TTC23: variants seen among roughly 807,000 people sequenced by gnomAD.
TTC23 encodes the protein tetratricopeptide repeat protein 23.
Under a neutral mutation model 55.1 loss-of-function variants are expected in TTC23, and 58 were observed. That is an observed-to-expected ratio of 1.05 (90% CI 0.85 to 1.31). The LOEUF (loss-of-function observed/expected upper bound fraction) is 1.31, where lower values mean the gene tolerates loss of function less well. Among genes scored for constraint, TTC23 ranks in the 50% most tolerant of loss-of-function variants. TTC23 has a pLI of 0.00. For missense variants in TTC23, 516 were observed against 534.4 expected, an observed-to-expected ratio of 0.97 and a Z score of 0.34; for synonymous variants, 203 against 199.9, an observed-to-expected ratio of 1.02 and a Z score of -0.13.
chr15:99,221,806 C>T lies in TTC23; in HGVS notation c.239G>A (p.Gly80Glu), dbSNP rs556904464. ...CTCTGCTAGTTTCCAATGTGAGTCT[C>T]CATAGCAAATTCTTGTCAGTGCTAC... Reference protein sequence around the residue: ...RCVALTRICYGDSHWKLAEAH... With the variant: ...RCVALTRICYEDSHWKLAEAH... Residue 80 changes from glycine to glutamate, a missense_variant, in exon 6 of 14, where the codon GGA becomes GAA. Transcript: ENST00000394132. 6.2e-7 allele frequency: 1 copy of T among 1,614,140 alleles called. No homozygotes were observed. The highest frequency in any genetic ancestry group is 1.1e-5 in the South Asian group (1 of 91,086).
intron 10 of TTC23, among the ~76,000 whole-genome samples, chr15:99,166,658 G>C (rs2072143932): frequency 6.6e-6 from 1 of 152,176 alleles, no homozygotes; most frequent in South Asian, 2.1e-4. Flanking sequence ...CTGCCTTCTG[G>C]GGGCAGCCTC....
intron 3 of TTC23, among the ~76,000 whole-genome samples, chr15:99,240,960 C>G (rs2079736518): frequency 6.6e-6 from 1 of 152,130 alleles, no homozygotes; most frequent in African/African-American, 2.4e-5. Flanking sequence ...AGTCTGTGGC[C>G]TTACTTTAAA....
chr15:99,158,268 G>T (rs564015335), intron 11 of TTC23: 1 of 152,358 alleles, frequency 6.6e-6, no homozygotes, highest in South Asian at 2.1e-4. Context: ...GGACTGCTGA[G>T]AGTGCTGGGT....
At chr15:99,237,452 T>C (rs2079415385) in intron 3 of TTC23, among the ~76,000 whole-genome samples, 1 of 152,160 alleles carries the variant, frequency 6.6e-6, no homozygotes, top group Non-Finnish European at 1.5e-5. Flanking sequence ...TACAATGAAA[T>C]ACTACTCAGT....
chr15:99,199,127 G>A (rs1214710827), intron 9 of TTC23, among the ~76,000 whole-genome samples: 3 of 152,060 alleles, frequency 2.0e-5, no homozygotes, highest in Non-Finnish European at 2.9e-5. Flanking sequence ...GGATAATATC[G>A]GTGGCCCTCA....
chr15:99,240,245 A>C (rs1229148449), intron 3 of TTC23, among the ~76,000 whole-genome samples: 1 of 152,248 alleles, frequency 6.6e-6, no homozygotes, highest in Non-Finnish European at 1.5e-5. Context: ...CTCTGAACCT[A>C]GTGTTAAACT....
chr15:99,154,315 A>AC (rs1158837807), intron 12 of TTC23, among the ~76,000 whole-genome samples: 5 of 152,214 alleles, frequency 3.3e-5, no homozygotes, highest in African/African-American at 1.2e-4. Context: ...TACAGAATCA[A>AC]CATCTGCTAT....
intron 3 of TTC23, among the ~76,000 whole-genome samples, chr15:99,236,467 C>CTT (rs869228713): frequency 5.7e-5 from 8 of 140,714 alleles, no homozygotes; most frequent in East Asian, 2.0e-4. Flanking sequence ...CCTTTTCTCA[C>CTT]TTTTTTTTTT....
intron 12 of TTC23, chr15:99,141,043 G>C (rs2068171396): frequency 6.6e-6 from 1 of 152,136 alleles, no homozygotes; most frequent in South Asian, 2.1e-4. Context: ...CAATGAGGTA[G>C]GTACCATTTC....
intron 4 of TTC23, among the ~76,000 whole-genome samples, chr15:99,234,784 A>G (rs1303964549): frequency 6.6e-6 from 1 of 152,160 alleles, no homozygotes; most frequent in Non-Finnish European, 1.5e-5. Flanking sequence ...GCAAGTTAAA[A>G]CCACAATGAG....
intron 5 of TTC23, among the ~76,000 whole-genome samples, chr15:99,225,937 A>G (rs535120231): frequency 7.9e-5 from 12 of 152,362 alleles, no homozygotes; most frequent in Middle Eastern, 3.4e-3. Context: ...GACAGGACGC[A>G]CTAAGGAGCG....
At chr15:99,194,747 C>T (rs980512433) in intron 9 of TTC23, among the ~76,000 whole-genome samples, 2 of 152,056 alleles carry the variant, frequency 1.3e-5, no homozygotes, top group Admixed American at 1.3e-4. Context: ...ACCAGCCTGA[C>T]CAACATGGAG....
intron 8 of TTC23, among the ~76,000 whole-genome samples, chr15:99,214,111 C>CTTAT (rs771432341): frequency 1.3e-5 from 2 of 152,042 alleles, no homozygotes; most frequent in East Asian, 1.9e-4. Flanking sequence ...GTAAGAGTAT[C>CTTAT]TTATTTATTT....
chr15:99,145,976 G>A (rs576322548), intron 12 of TTC23, among the ~76,000 whole-genome samples: 2 of 152,174 alleles, frequency 1.3e-5, no homozygotes, highest in Admixed American at 1.3e-4. Context: ...CAGCCCTGGG[G>A]GCATGGATGT....
chr15:99,246,108 C>A (rs1249263450), intron 1 of TTC23, among the ~76,000 whole-genome samples: 1 of 152,004 alleles, frequency 6.6e-6, no homozygotes, highest in Non-Finnish European at 1.5e-5. Flanking sequence ...CAGGGCCCAG[C>A]CTGTTAGGCA....
intron 9 of TTC23, among the ~76,000 whole-genome samples, chr15:99,191,023 G>C (rs145968475): frequency 2.0e-5 from 3 of 152,040 alleles, no homozygotes; most frequent in African/African-American, 7.2e-5. Context: ...GAGCTCAAGC[G>C]ATCTGCCTGC....
chr15:99,245,097 CTT>C (rs1015139252), intron 2 of TTC23, among the ~76,000 whole-genome samples: 1 of 152,124 alleles, frequency 6.6e-6, no homozygotes, highest in African/African-American at 2.4e-5. Context: ...AAAAGGTACA[CTT>C]ATATCAAAAC....
intron 9 of TTC23, among the ~76,000 whole-genome samples, chr15:99,187,452 C>CAAAAAAAAAAAAAAAAAAAAAAAAAAAA (rs66568931): frequency 1.3e-4 from 6 of 44,500 alleles, no homozygotes; most frequent in Non-Finnish European, 1.6e-4. Context: ...AAAGCACAAG[C>CAAAAAAAAAAAAAAAAAAAAAAAAAAAA]AAAAAAAAAA....
At chr15:99,194,855 A>C (rs2075565891) in intron 9 of TTC23, among the ~76,000 whole-genome samples, 1 of 152,236 alleles carries the variant, frequency 6.6e-6, no homozygotes, top group African/African-American at 2.4e-5. Flanking sequence ...CAATTGCTTG[A>C]ATCTGGGAGG....
Sources: gnomAD v4.1 joint callset for allele counts (sites outside exome capture counted in the v4.1 genomes callset) on GRCh38, gnomAD v4.1.1 for gene constraint, MANE v1.5 for transcripts, NCBI Gene and HGNC (gene_info 2026-07-23, HGNC 2026-07-21) for gene names.